DNAH12: variants seen among roughly 807,000 people sequenced by gnomAD.
DNAH12 encodes axonemal beta dynein heavy chain 12.
In DNAH12, 285 loss-of-function variants were observed where a neutral mutation model predicts 371.5. That is an observed-to-expected ratio of 0.77 (90% confidence interval 0.70 to 0.85). The LOEUF (loss-of-function observed/expected upper bound fraction) is 0.85. Ranked by LOEUF, DNAH12 falls within the 40% of genes least tolerant of loss-of-function variation. The pLI, the probability that DNAH12 is intolerant of heterozygous loss-of-function variation, is 0.00. For missense variants in DNAH12, 3,611 were observed against 3,689.4 expected (o/e 0.98, Z 0.55); for synonymous variants, 1,200 against 1,213.0 (o/e 0.99, Z 0.22).
chr3:57,336,062 G>C (rs115926976), intron 60 of DNAH12, among the ~76,000 whole-genome samples: 3,606 of 152,280 alleles, frequency 0.024, 64 homozygotes, highest in Admixed American at 0.035. Flanking sequence ...GTTCACTGCA[G>C]CCTCAAACTT....
At chr3:57,369,318 T>C (rs2063121752) in intron 55 of DNAH12, among the ~76,000 whole-genome samples, 1 of 143,024 alleles carries the variant, frequency 7.0e-6, no homozygotes, top group Non-Finnish European at 1.5e-5. Context: ...TTATAAATTA[T>C]ATATATTTAA....
chr3:57,508,147 A>G (rs1223103849), intron 7 of DNAH12, among the ~76,000 whole-genome samples: 2 of 149,396 alleles, frequency 1.3e-5, no homozygotes, highest in African/African-American at 4.9e-5. Context: ...AGATCGCACC[A>G]TTGCACTCCA....
chr3:57,446,043 CG>C lies in DNAH12; in HGVS notation c.4166del (p.Pro1389ArgfsTer13). The part of the protein sequence containing the change: ...NPGYAGRSEL[P>X]DNLKVLFRTV... ...TAAATAATATTACCTTAAGATTGTC[CG>C]GCAATTCAGAGCGTCCTGCATAGCC... On this transcript the variant is annotated frameshift_variant, in exon 27 of 74. Coordinates refer to ENST00000495027, the MANE Select transcript of DNAH12 (RefSeq NM_001366028.2). LOFTEE classifies it high-confidence loss of function. 6.5e-7 allele frequency: 1 copy of C among 1,546,802 alleles called. No homozygotes were observed. The highest frequency in any genetic ancestry group is 8.7e-7 in the Non-Finnish European group (1 of 1,144,764).
At chr3:57,377,750 A>G (rs2063310349) in intron 52 of DNAH12, among the ~76,000 whole-genome samples, 1 of 152,104 alleles carries the variant, frequency 6.6e-6, no homozygotes, top group South Asian at 2.1e-4. Context: ...ATTTTCCCCA[A>G]CAAATACTGA....
intron 39 of DNAH12, among the ~76,000 whole-genome samples, chr3:57,408,868 T>G (rs1286967524): frequency 6.6e-6 from 1 of 152,176 alleles, no homozygotes; most frequent in Non-Finnish European, 1.5e-5. Flanking sequence ...CAATCCTATT[T>G]GTAGCTGTTT....
chr3:57,413,879 T>G lies in DNAH12; in HGVS notation c.5887A>C (p.Lys1963Gln). Residue 1963 changes from lysine to glutamine, a missense_variant, in exon 39 of 74, where the codon AAA becomes CAA. Around this residue, in one of 3 missense-constraint regions of DNAH12, gnomAD observed 2,266 missense variants for 2,236.9 expected, o/e 1.01. Coordinates refer to ENST00000495027, the MANE Select transcript of DNAH12 (RefSeq NM_001366028.2). ...CCCATAGGTGGTCCAAAGACTCCTTTGCGTCTTTTATCCAATCTAGCCATG... is the reference window on the plus strand; with the variant it reads ...CCCATAGGTGGTCCAAAGACTCCTTGGCGTCTTTTATCCAATCTAGCCATG... ...IIMARLDKRR[K>Q]GVFGPPMGKK... The G allele has an allele frequency of 6.4e-7, 1 of 1,551,012 alleles. No individual in the cohort carries two copies. Among genetic ancestry groups the G allele is most frequent in the South Asian group, 1.2e-5 (1 of 83,974 alleles).
rs990836934 is a variant in DNAH12 at position 57,378,931 on chromosome 3, C to T, written c.8223+227G>A. 2.6e-3 allele frequency among the ~76,000 whole-genome samples: 398 copies of T among 152,282 alleles called. 4 individuals are homozygous for T. The highest frequency in any genetic ancestry group is 8.6e-3 in the African/African-American group (359 of 41,560). On this transcript the variant is annotated intron_variant, in intron 52 of 73. Transcript: ENST00000495027. ...AAATCTGACTAATTCTACTCATGAT[C>T]CCTGCTCCTGCATCACTACCACCCA...
chr3:57,330,167 G>T (rs1445419307), intron 62 of DNAH12, among the ~76,000 whole-genome samples: 3 of 151,610 alleles, frequency 2.0e-5, no homozygotes, highest in Non-Finnish European at 2.9e-5. Context: ...ATTCCTCAGG[G>T]ATCTAGAACT....
At chr3:57,424,631 C>T (rs1336387908) in intron 35 of DNAH12, among the ~76,000 whole-genome samples, 2 of 151,798 alleles carry the variant, frequency 1.3e-5, no homozygotes, top group Admixed American at 6.6e-5. Flanking sequence ...CAAAAATTAG[C>T]CAGGTGTGGT....
intron 2 of DNAH12, chr3:57,530,871 G>C (rs1301669567): frequency 6.3e-6 from 1 of 159,968 alleles, no homozygotes; most frequent in African/African-American, 2.4e-5. Context: ...CTTGGTGTTG[G>C]CAGCGGGGCA....
chr3:57,419,532 T>C lies in DNAH12; in HGVS notation c.5563-14A>G, dbSNP rs1033234003. ...TTTGTTTTTCAACTACAAGAAAATA[T>C]AAGTTTTAAAATATTAAAACCATGT... On this transcript the variant is annotated splice_polypyrimidine_tract_variant and intron_variant, in intron 36 of 73. Coordinates refer to ENST00000495027, the MANE Select transcript of DNAH12 (RefSeq NM_001366028.2). 4 of 1,422,396 alleles carry C rather than the reference T, an allele frequency of 2.8e-6. No homozygotes were observed. Among genetic ancestry groups the C allele is most frequent in the Admixed American group, 6.7e-5 (2 of 29,930 alleles). 88.1% of individuals were successfully genotyped at this position (1,422,396 alleles called of 1,614,324 possible). A position where few individuals can be genotyped will look rare whatever the true frequency, so the allele number is the denominator to read the frequency against.
intron 11 of DNAH12, among the ~76,000 whole-genome samples, chr3:57,491,205 T>G (rs1348366033): frequency 6.6e-6 from 1 of 151,862 alleles, no homozygotes; most frequent in Non-Finnish European, 1.5e-5. Context: ...ATATACAGTA[T>G]GATACCTTTC....
intron 47 of DNAH12, among the ~76,000 whole-genome samples, 151 bp from the exon 48 acceptor site, chr3:57,385,580 A>G (rs2063483292): frequency 6.6e-6 from 1 of 152,194 alleles, no homozygotes; most frequent in East Asian, 1.9e-4. Context: ...GACAAACAAA[A>G]CTATGAAAGT....
intron 27 of DNAH12, among the ~76,000 whole-genome samples, chr3:57,445,808 A>C (rs1298168724): frequency 6.6e-6 from 1 of 151,894 alleles, no homozygotes; most frequent in Admixed American, 6.6e-5. Context: ...CTAACATGGT[A>C]AAACCCCGTC....
chr3:57,312,839 T>C (rs113929596), intron 66 of DNAH12, among the ~76,000 whole-genome samples: 3 of 152,378 alleles, frequency 2.0e-5, no homozygotes, highest in African/African-American at 7.2e-5. Context: ...TGGACATATT[T>C]ATTCCAGTTA....
At chr3:57,452,265 GC>G (rs1313339775) in intron 25 of DNAH12, among the ~76,000 whole-genome samples, 3 of 152,132 alleles carry the variant, frequency 2.0e-5, no homozygotes, top group Non-Finnish European at 4.4e-5. Flanking sequence ...TATGTCCCAT[GC>G]AATATTTGGG....
intron 60 of DNAH12, among the ~76,000 whole-genome samples, chr3:57,341,113 T>C (rs1458545841): frequency 6.6e-6 from 1 of 152,102 alleles, no homozygotes; most frequent in Non-Finnish European, 1.5e-5. Flanking sequence ...AAATTAGGCA[T>C]AGAAGGAAGT....
At chr3:57,374,881 T>C (rs1341151469) in intron 55 of DNAH12, among the ~76,000 whole-genome samples, 2 of 151,986 alleles carry the variant, frequency 1.3e-5, no homozygotes, top group Admixed American at 6.5e-5. Flanking sequence ...TGGCGGGAAA[T>C]AATCAGAACA....
intron 11 of DNAH12, among the ~76,000 whole-genome samples, chr3:57,499,647 A>AAT (rs1176721728): frequency 0.029 from 519 of 17,936 alleles, 39 homozygotes; most frequent in East Asian, 0.09. Flanking sequence ...AAAAAAAAAA[A>AAT]ATATATATAT....
Sources: gnomAD v4.1 joint callset for allele counts (sites outside exome capture counted in the v4.1 genomes callset) on GRCh38, gnomAD v4.1.1 for gene constraint, gnomAD v4.1.1 regional missense constraint, MANE v1.5 for transcripts, NCBI Gene and HGNC (gene_info 2026-07-23, HGNC 2026-07-21) for gene names.